GNA12: variants seen among roughly 807,000 people sequenced by gnomAD.
GNA12 encodes G protein subunit alpha 12.
In GNA12, 9 loss-of-function variants were observed where a neutral mutation model predicts 26.0. The observed-to-expected ratio is 0.35, with a 90% CI of 0.21 to 0.60. GNA12 has a LOEUF of 0.60. Ranked by LOEUF, GNA12 falls within the 20% of genes least tolerant of loss-of-function variation. The pLI is 0.78. For missense variants in GNA12, 405 were observed against 525.8 expected (o/e 0.77, Z 2.25); for synonymous variants, 264 against 219.6 (o/e 1.20, Z -1.79).
chr7:2,749,703 A>G (rs973964434), intron 2 of GNA12, among the ~76,000 whole-genome samples: 1 of 152,156 alleles, frequency 6.6e-6, no homozygotes, highest in Non-Finnish European at 1.5e-5. Flanking sequence ...CAGATACACA[A>G]AAAACATAGT....
chr7:2,798,955 G>A (rs1287286494), intron 1 of GNA12, among the ~76,000 whole-genome samples: 1 of 151,880 alleles, frequency 6.6e-6, no homozygotes, highest in Non-Finnish European at 1.5e-5. Context: ...AAAGAAAATT[G>A]GGGGGAGCGG....
chr7:2,797,654 A>G (rs979810008), intron 1 of GNA12, among the ~76,000 whole-genome samples: 1 of 152,034 alleles, frequency 6.6e-6, no homozygotes, highest in Non-Finnish European at 1.5e-5. Flanking sequence ...TATAACTTCC[A>G]CTTCTGCCTT....
chr7:2,828,529 T>C (rs772646909), intron 1 of GNA12, among the ~76,000 whole-genome samples: 1 of 152,182 alleles, frequency 6.6e-6, no homozygotes, highest in Non-Finnish European at 1.5e-5. Flanking sequence ...GGTATTGTTA[T>C]ATGGTACCAG....
At chr7:2,826,207 T>C (rs1374560485) in intron 1 of GNA12, among the ~76,000 whole-genome samples, 1 of 151,762 alleles carries the variant, frequency 6.6e-6, no homozygotes, top group Admixed American at 6.6e-5. Context: ...TGAAACTTTG[T>C]CTCTACTAAA....
At chr7:2,826,755 A>G (rs1021663209) in intron 1 of GNA12, among the ~76,000 whole-genome samples, 47 of 152,230 alleles carry the variant, frequency 3.1e-4, no homozygotes, top group Admixed American at 7.2e-4. Flanking sequence ...GAGACAGTAA[A>G]CGCTCAGAGG....
At position 2,781,412 on chromosome 7, in the gene GNA12, CTGTGTGTGTGTGTG is replaced by C. The variant is rs58348546; in HGVS notation, c.525+13502_525+13515del. Among the ~76,000 whole-genome samples, 1,071 of 143,722 alleles carry C rather than the reference CTGTGTGTGTGTGTG, an allele frequency of 7.5e-3. 5 individuals are homozygous for C. The highest frequency in any genetic ancestry group is 0.012 in the Non-Finnish European group (806 of 65,726). The allele number at this position is 143,722 out of a possible 152,430, so 94.3% of individuals were successfully genotyped here. A position where few individuals can be genotyped will look rare whatever the true frequency, so the allele number is the denominator to read the frequency against. On this transcript the variant is annotated intron_variant, in intron 2 of 3. Coordinates refer to ENST00000275364, the MANE Select transcript of GNA12 (RefSeq NM_007353.3). ...CTCTAATCCATTTCAAAGTAAGTGT[CTGTGTGTGTGTGTG>C]TGTGTGTGTGTGTGTGTGTGTGTAG... is the stretch of plus-strand genomic sequence containing the variant.
chr7:2,785,000 A>C (rs1354492323), intron 2 of GNA12, among the ~76,000 whole-genome samples: 1 of 152,238 alleles, frequency 6.6e-6, no homozygotes, highest in Non-Finnish European at 1.5e-5. Flanking sequence ...ATCTATGTTA[A>C]AATACTTAAC....
chr7:2,819,918 G>A (rs925881831), intron 1 of GNA12, among the ~76,000 whole-genome samples: 10 of 152,092 alleles, frequency 6.6e-5, no homozygotes, highest in African/African-American at 1.9e-4. Context: ...ACCAAAACCC[G>A]CACATGGATG....
At chr7:2,798,408 A>T (rs889269346) in intron 1 of GNA12, among the ~76,000 whole-genome samples, 32 of 152,246 alleles carry the variant, frequency 2.1e-4, no homozygotes, top group African/African-American at 7.7e-4. Flanking sequence ...GTGGAAAGTG[A>T]AATGAAAGAT....
At chr7:2,795,223 C>T (rs1325199207) in intron 1 of GNA12, 80 bp from the exon 2 acceptor site, 6 of 1,038,192 alleles carry the variant, frequency 5.8e-6, no homozygotes, top group Non-Finnish European at 8.9e-6. Flanking sequence ...AAATGGGCAT[C>T]CATTGTCATA....
intron 2 of GNA12, chr7:2,762,492 G>T: frequency 1.3e-6 from 1 of 788,464 alleles, no homozygotes; most frequent in Non-Finnish European, 1.9e-6. Context: ...CGGGGCCTGA[G>T]GTGTGAGTAG....
At chr7:2,755,376 T>C (rs1562408289) in intron 2 of GNA12, among the ~76,000 whole-genome samples, 1 of 152,252 alleles carries the variant, frequency 6.6e-6, no homozygotes, top group Non-Finnish European at 1.5e-5. Context: ...CACTGAGTTT[T>C]CCATGAACAC....
intron 2 of GNA12, among the ~76,000 whole-genome samples, chr7:2,766,765 T>A (rs772947694): frequency 1.3e-5 from 2 of 152,200 alleles, no homozygotes; most frequent in African/African-American, 2.4e-5. Flanking sequence ...TGCTTTCCAT[T>A]CTTCTGGATA....
At chr7:2,776,044 G>A (rs1182599753) in intron 2 of GNA12, among the ~76,000 whole-genome samples, 1 of 152,206 alleles carries the variant, frequency 6.6e-6, no homozygotes, top group Non-Finnish European at 1.5e-5. Flanking sequence ...GGCTAACAAT[G>A]GGTCTTTTGA....
chr7:2,762,933 G>A (rs1437066951), intron 2 of GNA12: 1 of 1,398,426 alleles, frequency 7.2e-7, no homozygotes. Context: ...GGACGCCCCA[G>A]ACACTCCCGT....
chr7:2,825,331 C>T (rs935670326), intron 1 of GNA12, among the ~76,000 whole-genome samples: 1 of 152,192 alleles, frequency 6.6e-6, no homozygotes, highest in South Asian at 2.1e-4. Context: ...GCACAACACT[C>T]GCTGCTACAA....
intron 2 of GNA12, among the ~76,000 whole-genome samples, chr7:2,744,231 G>A (rs567193008): frequency 6.6e-6 from 1 of 152,354 alleles, no homozygotes; most frequent in South Asian, 2.1e-4. Context: ...CCTCAAGTGG[G>A]TCCCTGACCC....
intron 2 of GNA12, among the ~76,000 whole-genome samples, chr7:2,768,988 C>T (rs1177706367): frequency 1.3e-5 from 2 of 152,220 alleles, no homozygotes; most frequent in Admixed American, 6.5e-5. Context: ...TCGGCTCCCT[C>T]CACCTCCTGG....
intron 1 of GNA12, among the ~76,000 whole-genome samples, chr7:2,798,192 A>AG (rs1176848068): frequency 6.6e-6 from 1 of 152,214 alleles, no homozygotes; most frequent in Non-Finnish European, 1.5e-5. Context: ...CAGGAAAAGC[A>AG]GGGGGGAAAA....
Sources: allele counts gnomAD v4.1 joint callset (sites outside exome capture counted in the v4.1 genomes callset), GRCh38; gene constraint gnomAD v4.1.1; transcripts MANE v1.5; gene names NCBI Gene and HGNC (gene_info 2026-07-23, HGNC 2026-07-21).